RAB11FIP4: variants seen among roughly 807,000 people sequenced by gnomAD.
RAB11FIP4 encodes the protein RAB11 family interacting protein 4.
A neutral mutation model predicts 74.3 loss-of-function variants in RAB11FIP4; 23 were observed. The ratio of observed to expected loss-of-function variants is 0.31; its 90% CI spans 0.22 to 0.44. The LOEUF (loss-of-function observed/expected upper bound fraction) is 0.44, where lower values mean the gene tolerates loss of function less well. Ranked by LOEUF, RAB11FIP4 falls within the 20% of genes least tolerant of loss-of-function variation. The pLI is 1.00. For missense variants in RAB11FIP4, 630 were observed against 863.9 expected (o/e 0.73, Z 3.39); for synonymous variants, 360 against 359.9 (o/e 1.00, Z 0.00).
rs1205202634 is a variant in RAB11FIP4 at position 31,395,180 on chromosome 17, A to G, written c.159+3169A>G. On this transcript the variant is annotated intron_variant, in intron 1 of 14. Coordinates refer to ENST00000621161, the MANE Select transcript of RAB11FIP4 (RefSeq NM_032932.6). Reference sequence around the variant, plus strand: ...CAAAAACCAAAATATACTAGGTCATAAAGTATGAAATAAATATCCATGAGG... The same window carrying G: ...CAAAAACCAAAATATACTAGGTCATGAAGTATGAAATAAATATCCATGAGG... Among the ~76,000 whole-genome samples, 3 of 152,208 alleles carry G rather than the reference A, an allele frequency of 2.0e-5. No individual in the cohort carries two copies. The South Asian group carries it at 6.2e-4, about 31-fold the overall frequency.
chr17:31,490,979 G>A (rs1198928194), intron 3 of RAB11FIP4, among the ~76,000 whole-genome samples: 1 of 152,226 alleles, frequency 6.6e-6, no homozygotes, highest in African/African-American at 2.4e-5. Context: ...CAGCTCTGCT[G>A]GCTCTTGACT....
chr17:31,392,981 C>G (rs997893021), intron 1 of RAB11FIP4, among the ~76,000 whole-genome samples: 1 of 152,136 alleles, frequency 6.6e-6, no homozygotes, highest in African/African-American at 2.4e-5. Flanking sequence ...GCATTGTGTT[C>G]CCAGAACAGG....
chr17:31,514,031 G>GAAGGGCTGGGCAGATGTGGACTCTGCTT, intron 3 of RAB11FIP4, among the ~76,000 whole-genome samples: 2 of 152,262 alleles, frequency 1.3e-5, no homozygotes, highest in Non-Finnish European at 2.9e-5. Context: ...GGAGCTTGCT[G>GAAGGGCTGGGCAGATGTGGACTCTGCTT]AAGGGCTGGG....
At position 31,521,984 on chromosome 17, in the gene RAB11FIP4, A is replaced by G. The variant is rs778662459; in HGVS notation, c.828A>G (p.Gln276=). 8.7e-6 allele frequency: 14 copies of G among 1,614,094 alleles called. No homozygotes were observed. The highest frequency in any genetic ancestry group is 5.0e-5 in the Admixed American group (3 of 60,014). Residue 276 remains glutamine, a synonymous_variant, in exon 6 of 15, where the codon CAA becomes CAG. Coordinates refer to ENST00000621161, the MANE Select transcript of RAB11FIP4 (RefSeq NM_032932.6). ...NSELLDVYCS[Q]CCKKINLLND... ...AATTGCTAGATGTTTACTGCTCTCAATGCTGCAAGAAAATCAACCTGCTCA... is the reference window on the plus strand; with the variant it reads ...AATTGCTAGATGTTTACTGCTCTCAGTGCTGCAAGAAAATCAACCTGCTCA...
At chr17:31,480,620 T>A (rs1243600383) in intron 3 of RAB11FIP4, among the ~76,000 whole-genome samples, 8 of 151,742 alleles carry the variant, frequency 5.3e-5, no homozygotes, top group African/African-American at 1.2e-4. Context: ...AAACCCTCTC[T>A]CTACTAAAAA....
intron 1 of RAB11FIP4, among the ~76,000 whole-genome samples, chr17:31,402,177 C>G (rs1476893142): frequency 7.5e-6 from 1 of 133,684 alleles, no homozygotes; most frequent in Non-Finnish European, 1.6e-5. Flanking sequence ...CGTAGCCTCC[C>G]CATCTGTCCA....
At chr17:31,449,639 T>C (rs2071505909) in intron 3 of RAB11FIP4, among the ~76,000 whole-genome samples, 1 of 152,140 alleles carries the variant, frequency 6.6e-6, no homozygotes, top group African/African-American at 2.4e-5. Flanking sequence ...ACACCTGGGT[T>C]CAAGCAATCC....
At chr17:31,420,193 T>G (rs4315393) in intron 1 of RAB11FIP4, among the ~76,000 whole-genome samples, 19,517 of 152,160 alleles carry the variant, frequency 0.13, 1,600 homozygotes, top group Non-Finnish European at 0.19. Flanking sequence ...AGTGTTCCCT[T>G]ATTAGCCTTT....
intron 3 of RAB11FIP4, among the ~76,000 whole-genome samples, chr17:31,450,792 C>G (rs1324077425): frequency 6.7e-6 from 1 of 148,806 alleles, no homozygotes; most frequent in Non-Finnish European, 1.5e-5. Flanking sequence ...TCTCTTCTGT[C>G]AAACCTGTGG....
intron 3 of RAB11FIP4, among the ~76,000 whole-genome samples, chr17:31,487,566 G>C (rs1436463914): frequency 1.3e-5 from 2 of 152,096 alleles, no homozygotes; most frequent in Admixed American, 1.3e-4. Context: ...GAAAAGTTGT[G>C]GGTAGGACTC....
chr17:31,522,447 A>G (rs765237184), intron 7 of RAB11FIP4, 52 bp downstream of exon 7: 2 of 1,578,670 alleles, frequency 1.3e-6, no homozygotes, highest in Admixed American at 3.4e-5. Flanking sequence ...CATGCTGCCC[A>G]CTGGCCGGGG....
intron 1 of RAB11FIP4, among the ~76,000 whole-genome samples, chr17:31,421,688 G>A (rs2071201511): frequency 6.6e-6 from 1 of 150,624 alleles, no homozygotes; most frequent in Non-Finnish European, 1.5e-5. Flanking sequence ...TCCCTAGTAA[G>A]CTGGGATTAC....
rs754815766 is a variant in RAB11FIP4, at chr17:31,528,539, A to G, written c.1490A>G (p.Gln497Arg). 8 of 1,613,828 alleles carry G rather than the reference A, an allele frequency of 5.0e-6. No individual in the cohort carries two copies. Among genetic ancestry groups the G allele is most frequent in the South Asian group, 1.1e-5 (1 of 91,088 alleles). ...LEFQKEREAT[Q>R]ELIEDLRKEL... is the part of the protein sequence containing the mutation. ...TTCCAGAAGGAGCGGGAGGCGACGC[A>G]GGAGGTAGGTCCCAGGCCAGCAGGC... The change falls in exon 12 of 15, where the codon CAG becomes CGG. Residue 497 changes from glutamine (Q) to arginine (R), a missense_variant. Transcript: ENST00000621161.
At chr17:31,403,019 T>C (rs2071008022) in intron 1 of RAB11FIP4, among the ~76,000 whole-genome samples, 1 of 152,096 alleles carries the variant, frequency 6.6e-6, no homozygotes, top group Admixed American at 6.6e-5. Context: ...ACTGTTGTGA[T>C]GGTTGGAGAT....
At chr17:31,446,240 ACATTTAAAATG>A (rs768674893) in intron 3 of RAB11FIP4, among the ~76,000 whole-genome samples, 118 of 152,234 alleles carry the variant, frequency 7.8e-4, no homozygotes, top group Non-Finnish European at 9.1e-4. Context: ...AGTCTAAAAC[ACATTTAAAATG>A]CATATTGTTG....
chr17:31,502,321 G>A (rs530971986), intron 3 of RAB11FIP4, among the ~76,000 whole-genome samples: 3 of 152,238 alleles, frequency 2.0e-5, no homozygotes, highest in Admixed American at 6.5e-5. Context: ...GCTCACACCT[G>A]TAATCCTAGC....
intron 3 of RAB11FIP4, among the ~76,000 whole-genome samples, chr17:31,477,843 G>A (rs1018541558): frequency 6.6e-6 from 1 of 152,112 alleles, no homozygotes; most frequent in East Asian, 1.9e-4. Context: ...ATGTCCTTGA[G>A]TAACCTCTCT....
chr17:31,520,303 A>C (rs1009225751), intron 4 of RAB11FIP4, among the ~76,000 whole-genome samples: 1 of 152,138 alleles, frequency 6.6e-6, no homozygotes, highest in Admixed American at 6.5e-5. Context: ...GGGTCCTGGA[A>C]CAAATCTCTC....
intron 1 of RAB11FIP4, among the ~76,000 whole-genome samples, chr17:31,409,492 A>C (rs2071073269): frequency 6.6e-6 from 1 of 152,126 alleles, no homozygotes. Context: ...AATCACAGAG[A>C]ATGGGGAGGA....
Sources: allele counts gnomAD v4.1 joint callset (sites outside exome capture counted in the v4.1 genomes callset), GRCh38; gene constraint gnomAD v4.1.1; transcripts MANE v1.5; gene names NCBI Gene and HGNC (gene_info 2026-07-23, HGNC 2026-07-21).